The following RBMS1 variants were observed in gnomAD, a reference collection of about 807,000 sequenced individuals.
RBMS1 encodes the protein RNA binding motif single stranded interacting protein 1.
Under a neutral mutation model 62.3 loss-of-function variants are expected in RBMS1, and 17 were observed. The ratio of observed to expected loss-of-function variants is 0.27; its 90% confidence interval spans 0.19 to 0.41. RBMS1 has a LOEUF of 0.41. Ranked by LOEUF, RBMS1 falls within the 10% of genes least tolerant of loss-of-function variation. The pLI is 1.00. For synonymous variants in RBMS1, 172 were observed against 170.0 expected (o/e 1.01, Z -0.09); for missense variants, 334 against 504.5 (o/e 0.66, Z 3.24).
chr2:160,477,999 A>G (rs1306256549), intron 1 of RBMS1, among the ~76,000 whole-genome samples: 2 of 152,242 alleles, frequency 1.3e-5, no homozygotes, highest in African/African-American at 4.8e-5. Flanking sequence ...GTTGTTTAAG[A>G]TGATTCTCTC....
chr2:160,331,226 C>A (rs1003846224), intron 2 of RBMS1, among the ~76,000 whole-genome samples: 41 of 152,212 alleles, frequency 2.7e-4, no homozygotes, highest in African/African-American at 9.6e-4. Context: ...ATGAATAAAA[C>A]TCCAGCCAGC....
chr2:160,278,502 A>T (rs1574200224), intron 11 of RBMS1, 46 bp downstream of exon 11: 1 of 1,472,432 alleles, frequency 6.8e-7, no homozygotes, highest in Non-Finnish European at 9.5e-7. Context: ...GCATTAATTT[A>T]CCCTCCTCTG....
At chr2:160,305,504 A>G (rs1179918064) in intron 4 of RBMS1, among the ~76,000 whole-genome samples, 1 of 152,232 alleles carries the variant, frequency 6.6e-6, no homozygotes. Flanking sequence ...AAGCTACACC[A>G]TCTGGGTTTG....
chr2:160,399,001 C>G (rs1695300119), intron 1 of RBMS1, among the ~76,000 whole-genome samples: 1 of 152,188 alleles, frequency 6.6e-6, no homozygotes, highest in Admixed American at 6.5e-5. Context: ...TTTTAGCAAG[C>G]TTGCTCCTAT....
chr2:160,428,588 G>A (rs1210035196), intron 1 of RBMS1, among the ~76,000 whole-genome samples: 1 of 152,130 alleles, frequency 6.6e-6, no homozygotes, highest in African/African-American at 2.4e-5. Flanking sequence ...GAGAACAGAG[G>A]TTTTGGGTGT....
chr2:160,476,309 CAT>C (rs1266393187), intron 1 of RBMS1, among the ~76,000 whole-genome samples: 4 of 152,248 alleles, frequency 2.6e-5, no homozygotes, highest in East Asian at 3.9e-4. Flanking sequence ...GAGCAAGTCT[CAT>C]AGTAAAGCTT....
At chr2:160,483,170 C>CT (rs1219667916) in intron 1 of RBMS1, among the ~76,000 whole-genome samples, 1 of 151,132 alleles carries the variant, frequency 6.6e-6, no homozygotes, top group African/African-American at 2.4e-5. Context: ...AGAAACACAT[C>CT]TTTTTTTAGG....
At chr2:160,487,743 A>G (rs960602012) in intron 1 of RBMS1, among the ~76,000 whole-genome samples, 1 of 152,220 alleles carries the variant, frequency 6.6e-6, no homozygotes, top group Non-Finnish European at 1.5e-5. Flanking sequence ...TTCATATTCA[A>G]TGTCCAACAT....
At position 160,285,005 on chromosome 2, in the gene RBMS1, T is replaced by C. The variant is rs201394602; in HGVS notation, c.796A>G (p.Ile266Val). ...ATTTTAACGACATACCCGTTCTGTA[T>C]AGCAGCTGTAGTTGGGTCGTAAGTA... ...TLTYDPTTAA[I>V]QNGFYPSPYS... The change falls in exon 8 of 14, where the codon ATA becomes GTA. Residue 266 changes from isoleucine (I) to valine (V), a missense_variant. Physicochemically the swap from Ile to Val is conservative, Grantham distance 29. Around this residue, in one of 3 missense-constraint regions of RBMS1, gnomAD observed 182 missense variants for 257.7 expected, o/e 0.71. Coordinates refer to ENST00000348849, the MANE Select transcript of RBMS1 (RefSeq NM_016836.4). 19 of 1,613,214 alleles carry C rather than the reference T, an allele frequency of 1.2e-5. No individual in the cohort carries two copies. In the Admixed American group the frequency reaches 2.8e-4, roughly 24 times the overall value.
intron 2 of RBMS1, among the ~76,000 whole-genome samples, chr2:160,361,340 G>C (rs1693117804): frequency 6.6e-6 from 1 of 152,184 alleles, no homozygotes; most frequent in Non-Finnish European, 1.5e-5. Context: ...ACCAAATCTT[G>C]CACACCTATG....
At chr2:160,390,860 T>C (rs925408284) in intron 1 of RBMS1, among the ~76,000 whole-genome samples, 1 of 146,660 alleles carries the variant, frequency 6.8e-6, no homozygotes, top group African/African-American at 2.5e-5. Flanking sequence ...TGTAAAGAAA[T>C]ATCTTCTAAC....
chr2:160,336,053 G>T (rs977987738), intron 2 of RBMS1, among the ~76,000 whole-genome samples: 4 of 152,096 alleles, frequency 2.6e-5, no homozygotes. Flanking sequence ...AAATTTAGGT[G>T]TGTTCCCTTT....
intron 2 of RBMS1, among the ~76,000 whole-genome samples, chr2:160,351,367 C>T (rs1692499944): frequency 1.3e-5 from 2 of 151,718 alleles, no homozygotes; most frequent in African/African-American, 4.8e-5. Context: ...AGATGCATAC[C>T]TCACAGGAGG....
intron 10 of RBMS1, among the ~76,000 whole-genome samples, chr2:160,280,809 A>G (rs929552453): frequency 5.9e-5 from 9 of 152,222 alleles, no homozygotes; most frequent in Admixed American, 1.3e-4. Flanking sequence ...AGTATAACTC[A>G]TTCAATTTAA....
intron 1 of RBMS1, among the ~76,000 whole-genome samples, chr2:160,374,947 G>A (rs182202076): frequency 6.6e-6 from 1 of 151,906 alleles, no homozygotes; most frequent in South Asian, 2.1e-4. Flanking sequence ...GGGACGGTGG[G>A]GGGGAGGAAT....
intron 1 of RBMS1, among the ~76,000 whole-genome samples, chr2:160,453,445 T>C (rs1350829891): frequency 6.6e-6 from 1 of 152,198 alleles, no homozygotes; most frequent in Non-Finnish European, 1.5e-5. Context: ...TTTTTATAAT[T>C]TTCTGCATTT....
intron 1 of RBMS1, among the ~76,000 whole-genome samples, chr2:160,443,672 G>A (rs900385079): frequency 2.0e-5 from 3 of 152,156 alleles, no homozygotes; most frequent in Non-Finnish European, 4.4e-5. Context: ...CTAAGCAGAT[G>A]CCGATGCCAT....
At chr2:160,425,506 G>A (rs1303585962) in intron 1 of RBMS1, among the ~76,000 whole-genome samples, 3 of 152,168 alleles carry the variant, frequency 2.0e-5, no homozygotes, top group African/African-American at 4.8e-5. Context: ...CCTTATATAA[G>A]GTAGCTGAGG....
chr2:160,361,530 A>C (rs1448079912), intron 2 of RBMS1, among the ~76,000 whole-genome samples: 1 of 152,266 alleles, frequency 6.6e-6, no homozygotes, highest in Non-Finnish European at 1.5e-5. Flanking sequence ...TACAGCGAGT[A>C]TTGCAATAAA....
Sources: gnomAD v4.1 joint callset for allele counts (sites outside exome capture counted in the v4.1 genomes callset) on GRCh38, gnomAD v4.1.1 for gene constraint, gnomAD v4.1.1 regional missense constraint, MANE v1.5 for transcripts, NCBI Gene and HGNC (gene_info 2026-07-23, HGNC 2026-07-21) for gene names.